TMEM50A: variants seen among roughly 807,000 people sequenced by gnomAD.
The protein encoded by TMEM50A is transmembrane protein 50A.
A neutral mutation model predicts 23.9 loss-of-function variants in TMEM50A; 8 were observed. The observed-to-expected ratio is 0.33, with a 90% CI of 0.20 to 0.60. The LOEUF is 0.60. Among genes scored for constraint, TMEM50A ranks in the 20% least tolerant of loss-of-function variants. The pLI, the probability that TMEM50A is intolerant of heterozygous loss-of-function variation, is 0.81. For synonymous variants in TMEM50A, 55 were observed against 60.4 expected (o/e 0.91, Z 0.41); for missense variants, 178 against 192.7 (o/e 0.92, Z 0.45).
intron 3 of TMEM50A, among the ~76,000 whole-genome samples, chr1:25,348,055 A>G (rs909619065): frequency 6.6e-6 from 1 of 152,226 alleles, no homozygotes; most frequent in African/African-American, 2.4e-5. Context: ...ATAGCTGTAT[A>G]TGAGCTTGAA....
rs1259254365 is a variant in TMEM50A at position 25,361,147 on chromosome 1, G to A, written c.*442G>A. The A allele has an allele frequency of 5.1e-5, 8 of 157,236 alleles. No individual in the cohort carries two copies. Among genetic ancestry groups the A allele is most frequent in the East Asian group, 1.9e-4 (1 of 5,388 alleles). 9.7% of individuals were successfully genotyped at this position (157,236 alleles called of 1,614,324 possible). A position where few individuals can be genotyped will look rare whatever the true frequency, so the allele number is the denominator to read the frequency against. On this transcript the variant is annotated 3_prime_UTR_variant, in exon 7 of 7. Coordinates refer to ENST00000374358, the MANE Select transcript of TMEM50A (RefSeq NM_014313.4). Reference sequence around the variant, plus strand: ...CATTTTTTAGTTTTTAAAATATTCCGTGGTCAAAATTCTTCCTCACTATAA... The same window carrying A: ...CATTTTTTAGTTTTTAAAATATTCCATGGTCAAAATTCTTCCTCACTATAA...
intron 3 of TMEM50A, among the ~76,000 whole-genome samples, chr1:25,346,427 G>A (rs3093600): frequency 0.079 from 11,981 of 151,542 alleles, 1,503 homozygotes; most frequent in African/African-American, 0.27. Flanking sequence ...GTAGGGCCTC[G>A]CTTGTCACCC....
chr1:25,353,461 T>A lies in TMEM50A; in HGVS notation c.367+487T>A, dbSNP rs574713611. 3.3e-5 allele frequency among the ~76,000 whole-genome samples: 5 copies of A among 152,294 alleles called. No homozygotes were observed. In the South Asian group the frequency reaches 1.0e-3, roughly 32 times the overall value. ...CCACACCCAGCTAATTTTTAAATTT[T>A]TTATAGAGATGGATCTTGCTATGTT... On this transcript the variant is annotated intron_variant, in intron 5 of 6. Coordinates refer to ENST00000374358, the MANE Select transcript of TMEM50A (RefSeq NM_014313.4).
intron 1 of TMEM50A, among the ~76,000 whole-genome samples, chr1:25,339,743 A>G (rs900907307): frequency 2.6e-5 from 4 of 152,220 alleles, no homozygotes; most frequent in African/African-American, 9.6e-5. Context: ...AAATGATACA[A>G]AAGAGCTCCT....
intron 6 of TMEM50A, among the ~76,000 whole-genome samples, chr1:25,360,206 G>A (rs962407184): frequency 5.3e-5 from 8 of 151,994 alleles, no homozygotes; most frequent in East Asian, 1.9e-4. Flanking sequence ...AAAATTAGCC[G>A]GGTATGGTGG....
intron 3 of TMEM50A, among the ~76,000 whole-genome samples, chr1:25,346,463 A>G (rs1218170499): frequency 6.6e-6 from 1 of 152,164 alleles, no homozygotes. Context: ...TGGTGTGATC[A>G]TAACACACTA....
At chr1:25,340,064 G>A (rs774271672) in intron 1 of TMEM50A, among the ~76,000 whole-genome samples, 13 of 152,034 alleles carry the variant, frequency 8.6e-5, no homozygotes, top group South Asian at 2.1e-4. Flanking sequence ...AGCCTCCCAA[G>A]TAGCTGCGAT....
At chr1:25,348,838 T>C (rs1645248143) in intron 3 of TMEM50A, among the ~76,000 whole-genome samples, 1 of 152,234 alleles carries the variant, frequency 6.6e-6, no homozygotes, top group Non-Finnish European at 1.5e-5. Flanking sequence ...AATATTTAAC[T>C]CTTCTCCACT....
At chr1:25,342,004 C>T (rs938235219) in intron 2 of TMEM50A, among the ~76,000 whole-genome samples, 1 of 151,966 alleles carries the variant, frequency 6.6e-6, no homozygotes, top group Non-Finnish European at 1.5e-5. Context: ...TGCACCTGGC[C>T]AAAAAGCTTT....
chr1:25,356,996 GAGA>G (rs1308156004), intron 6 of TMEM50A, 143 bp downstream of exon 6: 1 of 614,350 alleles, frequency 1.6e-6, no homozygotes, highest in Non-Finnish European at 2.7e-6. Flanking sequence ...GAGTAAGGTT[GAGA>G]AGGATATTTT....
intron 5 of TMEM50A, 79 bp downstream of exon 5, chr1:25,353,053 A>G: frequency 1.4e-6 from 2 of 1,380,878 alleles, no homozygotes; most frequent in Non-Finnish European, 2.0e-6. Flanking sequence ...TTAGAATAAA[A>G]TTTTTTTCCT....
chr1:25,351,525 AGAC>A, intron 3 of TMEM50A, 98 bp from the exon 4 acceptor site: 1 of 828,330 alleles, frequency 1.2e-6, no homozygotes, highest in Non-Finnish European at 1.8e-6. Flanking sequence ...AAAAAAAAAA[AGAC>A]TTTCAGGCCT....
intron 4 of TMEM50A, 76 bp from the exon 5 acceptor site, chr1:25,352,806 G>A (rs1336636040): frequency 7.3e-7 from 1 of 1,370,474 alleles, no homozygotes; most frequent in Non-Finnish European, 1.0e-6. Context: ...TTTCTGTTTG[G>A]GTTTTATTTT....
chr1:25,357,528 AGTGTGTGTGTGTGTGTGTGTGTGT>A (rs58801158), intron 6 of TMEM50A, among the ~76,000 whole-genome samples: 1 of 139,564 alleles, frequency 7.2e-6, no homozygotes, highest in Non-Finnish European at 1.6e-5. Flanking sequence ...CTGCATCAGG[AGTGTGTGTGTGTGTGTGTGTGTGT>A]GTGTGTGTGT....
intron 3 of TMEM50A, among the ~76,000 whole-genome samples, chr1:25,347,527 C>T (rs150501952): frequency 0.013 from 1,917 of 152,306 alleles, 126 homozygotes; most frequent in Admixed American, 0.11. Context: ...CGTGAGCCAC[C>T]ATGCCCGGCC....
intron 5 of TMEM50A, among the ~76,000 whole-genome samples, chr1:25,353,465 T>C (rs1307803944): frequency 6.6e-6 from 1 of 152,154 alleles, no homozygotes; most frequent in Non-Finnish European, 1.5e-5. Context: ...AAATTTTTTA[T>C]AGAGATGGAT....
At chr1:25,339,170 A>C (rs1645138808) in intron 1 of TMEM50A, among the ~76,000 whole-genome samples, 1 of 152,236 alleles carries the variant, frequency 6.6e-6, no homozygotes, top group South Asian at 2.1e-4. Context: ...ATCTTAAGGA[A>C]GTCAAGTTCG....
intron 4 of TMEM50A, among the ~76,000 whole-genome samples, 182 bp downstream of exon 4, chr1:25,351,875 C>T (rs1301383113): frequency 2.6e-5 from 4 of 151,986 alleles, no homozygotes; most frequent in East Asian, 1.9e-4. Context: ...TTCTATTTGC[C>T]GTGCTTTATT....
intron 1 of TMEM50A, among the ~76,000 whole-genome samples, chr1:25,339,414 G>A (rs957922477): frequency 6.6e-6 from 1 of 152,176 alleles, no homozygotes; most frequent in Non-Finnish European, 1.5e-5. Flanking sequence ...GGAAACACCC[G>A]TTAGGATCAG....
Sources: gnomAD v4.1 joint callset for allele counts (sites outside exome capture counted in the v4.1 genomes callset) on GRCh38, gnomAD v4.1.1 for gene constraint, MANE v1.5 for transcripts, NCBI Gene and HGNC (gene_info 2026-07-23, HGNC 2026-07-21) for gene names.